NKAIN3: variants seen among roughly 807,000 people sequenced by gnomAD.
NKAIN3 encodes the protein sodium/potassium-transporting ATPase subunit beta-1-interacting protein 3.
A neutral mutation model predicts 30.2 loss-of-function variants in NKAIN3; 25 were observed. That is an observed-to-expected ratio of 0.83 (90% confidence interval 0.60 to 1.16). The LOEUF is 1.16. Ranked by LOEUF, NKAIN3 falls within the 50% of genes most tolerant of loss-of-function variation. NKAIN3 has a pLI of 0.00. For missense variants in NKAIN3, 225 were observed against 254.1 expected, an observed-to-expected ratio of 0.89 and a Z score of 0.78; for synonymous variants, 91 against 89.6, an observed-to-expected ratio of 1.02 and a Z score of -0.09.
intron 1 of NKAIN3, among the ~76,000 whole-genome samples, chr8:62,476,501 G>A (rs2129600405): frequency 6.6e-6 from 1 of 151,894 alleles, no homozygotes; most frequent in South Asian, 2.1e-4. Context: ...TCTTTCACCA[G>A]GCTGGAGTGT....
At chr8:62,606,449 T>A (rs904709658) in intron 3 of NKAIN3, among the ~76,000 whole-genome samples, 1 of 152,090 alleles carries the variant, frequency 6.6e-6, no homozygotes, top group Non-Finnish European at 1.5e-5. Context: ...TCAATACTGA[T>A]TCAAAAAGTA....
At chr8:62,258,045 A>AG (rs1371591595) in intron 1 of NKAIN3, among the ~76,000 whole-genome samples, 2 of 151,748 alleles carry the variant, frequency 1.3e-5, no homozygotes, top group African/African-American at 4.8e-5. Context: ...ATTTTATTTT[A>AG]TTTTTTTACC....
intron 2 of NKAIN3, among the ~76,000 whole-genome samples, chr8:62,587,775 T>C (rs1810525251): frequency 6.6e-6 from 1 of 151,998 alleles, no homozygotes; most frequent in Non-Finnish European, 1.5e-5. Context: ...ACCCTTTTAT[T>C]GTCAAAAACG....
intron 1 of NKAIN3, among the ~76,000 whole-genome samples, chr8:62,515,102 C>T (rs1237703271): frequency 1.3e-5 from 2 of 152,176 alleles, no homozygotes; most frequent in African/African-American, 4.8e-5. Flanking sequence ...GACTGTAATA[C>T]ATCATGACAA....
intron 1 of NKAIN3, among the ~76,000 whole-genome samples, chr8:62,564,260 G>T (rs1809677537): frequency 6.6e-6 from 1 of 151,816 alleles, no homozygotes; most frequent in Non-Finnish European, 1.5e-5. Context: ...AATCCCTTTG[G>T]CCACAGTTTG....
chr8:62,467,791 G>A (rs1806206841), intron 1 of NKAIN3, among the ~76,000 whole-genome samples: 1 of 151,788 alleles, frequency 6.6e-6, no homozygotes, highest in Non-Finnish European at 1.5e-5. Flanking sequence ...TTTGAGACAA[G>A]GTTTCACTTT....
chr8:62,887,999 G>T (rs548442170), intron 4 of NKAIN3, among the ~76,000 whole-genome samples: 91 of 152,292 alleles, frequency 6.0e-4, no homozygotes, highest in Non-Finnish European at 1.1e-3. Context: ...CATGATAAAT[G>T]TGCCTTTAAC....
chr8:62,447,215 C>T (rs921291080), intron 1 of NKAIN3, among the ~76,000 whole-genome samples: 1 of 151,966 alleles, frequency 6.6e-6, no homozygotes, highest in Non-Finnish European at 1.5e-5. Flanking sequence ...GCCACCTTAT[C>T]CCTTTGAAAG....
chr8:62,659,902 A>G (rs1227003577), intron 3 of NKAIN3, among the ~76,000 whole-genome samples: 1 of 152,200 alleles, frequency 6.6e-6, no homozygotes, highest in Non-Finnish European at 1.5e-5. Context: ...GCCTGAGGCC[A>G]TCCATGTAAG....
chr8:62,741,665 A>G (rs1409403535), intron 3 of NKAIN3, among the ~76,000 whole-genome samples: 1 of 152,160 alleles, frequency 6.6e-6, no homozygotes, highest in African/African-American at 2.4e-5. Flanking sequence ...TTCACAATTT[A>G]CCACTCTTTT....
At chr8:62,533,452 G>A (rs1458282357) in intron 1 of NKAIN3, among the ~76,000 whole-genome samples, 1 of 151,738 alleles carries the variant, frequency 6.6e-6, no homozygotes, top group Non-Finnish European at 1.5e-5. Context: ...AGCGGGCTTA[G>A]CCCCATGGCT....
At chr8:62,704,208 A>G (rs1160164569) in intron 3 of NKAIN3, among the ~76,000 whole-genome samples, 2 of 152,062 alleles carry the variant, frequency 1.3e-5, no homozygotes, top group East Asian at 3.9e-4. Context: ...TGTATCTTCT[A>G]GAAGATTTTT....
At chr8:62,439,017 A>G (rs1805248109) in intron 1 of NKAIN3, among the ~76,000 whole-genome samples, 1 of 152,226 alleles carries the variant, frequency 6.6e-6, no homozygotes, top group Admixed American at 6.5e-5. Flanking sequence ...AGAGCATGAC[A>G]CAACTTTAGA....
intron 1 of NKAIN3, among the ~76,000 whole-genome samples, chr8:62,402,203 C>T (rs959487894): frequency 1.3e-5 from 2 of 152,210 alleles, no homozygotes; most frequent in African/African-American, 2.4e-5. Context: ...GTCACCACCA[C>T]CCAAGCCTGT....
At chr8:62,892,504 C>G (rs1821323165) in intron 4 of NKAIN3, among the ~76,000 whole-genome samples, 1 of 152,036 alleles carries the variant, frequency 6.6e-6, no homozygotes, top group East Asian at 1.9e-4. Context: ...TATTAGTACC[C>G]TAGTGAAATG....
intron 1 of NKAIN3, among the ~76,000 whole-genome samples, chr8:62,576,467 C>T (rs778156481): frequency 6.6e-5 from 10 of 152,038 alleles, no homozygotes; most frequent in Non-Finnish European, 1.3e-4. Context: ...CAGTCCTCTA[C>T]GCTTCTGCCC....
At chr8:62,649,626 G>C (rs915378490) in intron 3 of NKAIN3, among the ~76,000 whole-genome samples, 1 of 152,162 alleles carries the variant, frequency 6.6e-6, no homozygotes, top group Admixed American at 6.5e-5. Context: ...GCTGAGCGGT[G>C]CTGGCAGAAG....
chr8:62,687,545 A>C (rs1310357112), intron 3 of NKAIN3, among the ~76,000 whole-genome samples: 1 of 152,188 alleles, frequency 6.6e-6, no homozygotes, highest in East Asian at 1.9e-4. Flanking sequence ...ATTTTACCTG[A>C]AAACAGATGT....
rs1262703387 is a variant in NKAIN3, at chr8:62,968,620, T to A, written c.*3213T>A. On this transcript the variant is annotated 3_prime_UTR_variant, in exon 7 of 7. Transcript: ENST00000623646. ...GCAAAACTGAAGATAGGACATCCAC[T>A]GCTCTTTAGCTTCTAGTGCTGACTG... is the stretch of plus-strand genomic sequence containing the variant. 6.6e-6 allele frequency among the ~76,000 whole-genome samples: 1 copy of A among 152,210 alleles called. No individual in the cohort carries two copies. Among genetic ancestry groups the A allele is most frequent in the African/African-American group, 2.4e-5 (1 of 41,452 alleles).
Sources: allele counts gnomAD v4.1 joint callset (sites outside exome capture counted in the v4.1 genomes callset), GRCh38; gene constraint gnomAD v4.1.1; transcripts MANE v1.5; gene names NCBI Gene and HGNC (gene_info 2026-07-23, HGNC 2026-07-21).